The following FAT2 variants were observed in gnomAD, a reference collection of about 807,000 sequenced individuals.
The protein encoded by FAT2 is FAT atypical cadherin 2.
A neutral mutation model predicts 295.3 loss-of-function variants in FAT2; 150 were observed. That is an observed-to-expected ratio of 0.51 (90% CI 0.44 to 0.58). The LOEUF is 0.58. Ranked by LOEUF, FAT2 falls within the 20% of genes least tolerant of loss-of-function variation. FAT2 has a pLI of 0.00. For missense variants in FAT2, 4,868 were observed against 5,442.7 expected, an observed-to-expected ratio of 0.89 and a Z score of 3.32; for synonymous variants, 2,026 against 2,150.3, an observed-to-expected ratio of 0.94 and a Z score of 1.60.
At position 151,545,198 on chromosome 5, in the gene FAT2, C is replaced by T. The variant is rs1554129752; in HGVS notation, c.5929G>A (p.Val1977Met). Residue 1977 changes from valine to methionine, a missense_variant, in exon 10 of 24, where the codon GTG (valine) becomes ATG (methionine). This residue lies in a region of FAT2 where 3,297 missense variants were observed against 3,669.4 expected (regional missense o/e 0.90). Coordinates refer to ENST00000261800, the MANE Select transcript of FAT2 (RefSeq NM_001447.3). ...TTTCTGTCCTGCAAGTTCTCCTTCACAGCTGCCCAGTAGACATCCTGATCA... is the reference window on the plus strand; with the variant it reads ...TTTCTGTCCTGCAAGTTCTCCTTCATAGCTGCCCAGTAGACATCCTGATCA... Reference protein sequence around the residue: ...QFDQDVYWAAVKENLQDRKAL... With the variant: ...QFDQDVYWAAMKENLQDRKAL... 6.2e-7 allele frequency: 1 copy of T among 1,614,210 alleles called. No homozygotes were observed. The highest frequency in any genetic ancestry group is 1.1e-5 in the South Asian group (1 of 91,084).
intron 1 of FAT2, among the ~76,000 whole-genome samples, chr5:151,576,375 A>G (rs1161312099): frequency 2.6e-5 from 4 of 152,216 alleles, no homozygotes; most frequent in African/African-American, 9.7e-5. Flanking sequence ...TATTAGAATT[A>G]CCAGGAGAAC....
intron 11 of FAT2, 38 bp downstream of exon 11, chr5:151,540,529 G>A (rs758285683): frequency 1.1e-5 from 17 of 1,539,872 alleles, no homozygotes; most frequent in Admixed American, 6.9e-5. Context: ...TATCTTCCTT[G>A]CCTTCACTAC....
At position 151,554,566 on chromosome 5, in the gene FAT2, G is replaced by C. The variant is rs2127631216; in HGVS notation, c.3741C>G (p.Phe1247Leu). Reference protein sequence around the residue: ...DNPPIFSHKLFNVRLPERLSP... With the variant: ...DNPPIFSHKLLNVRLPERLSP... ...TCAGCCTCTCTGGAAGGCGGACATT[G>C]AAGAGCTTGTGGGAGAATATAGGTG... Residue 1247 changes from phenylalanine to leucine, a missense_variant, in exon 5 of 24, where the codon TTC becomes TTG. By Grantham distance (22) the Phe-to-Leu change is conservative (BLOSUM62 0). Coordinates refer to ENST00000261800, the MANE Select transcript of FAT2 (RefSeq NM_001447.3). The C allele has an allele frequency of 6.2e-7, 1 of 1,614,224 alleles. No individual in the cohort carries two copies. The highest frequency in any genetic ancestry group is 1.1e-5 in the South Asian group (1 of 91,086).
At chr5:151,524,271 T>A (rs1028746015) in intron 18 of FAT2, among the ~76,000 whole-genome samples, 6 of 152,246 alleles carry the variant, frequency 3.9e-5, no homozygotes, top group African/African-American at 1.4e-4. Flanking sequence ...CAGTCTTGAT[T>A]TTTACCTGTT....
At chr5:151,533,221 G>A (rs1165161031) in intron 13 of FAT2, among the ~76,000 whole-genome samples, 1 of 152,066 alleles carries the variant, frequency 6.6e-6, no homozygotes, top group Non-Finnish European at 1.5e-5. Flanking sequence ...CCTGTCCCTG[G>A]AGGTGTGTAA....
At chr5:151,550,502 A>G in intron 8 of FAT2, 88 bp downstream of exon 8, 1 of 1,429,226 alleles carries the variant, frequency 7.0e-7, no homozygotes, top group South Asian at 1.3e-5. Flanking sequence ...TATGAGGGGA[A>G]GGGGGACCTT....
rs1194249931 is a variant in FAT2, at chr5:151,544,730, A to AATC, written c.6394_6396dup (p.Asp2132dup). 3.1e-6 allele frequency: 5 copies of AATC among 1,614,072 alleles called. No homozygotes were observed. In the African/African-American group the frequency reaches 6.7e-5, roughly 22 times the overall value. On this transcript the variant is annotated inframe_insertion, in exon 10 of 24. Coordinates refer to ENST00000261800, the MANE Select transcript of FAT2 (RefSeq NM_001447.3). ...AGGTGATATTTATTTAAAGCTTGATAATCAAAGGGTTTCTTGAGTGATATG... is the reference window on the plus strand; with the variant it reads ...AGGTGATATTTATTTAAAGCTTGATAATCATCAAAGGGTTTCTTGAGTGATATG...
intron 3 of FAT2, among the ~76,000 whole-genome samples, chr5:151,559,506 C>T (rs909443575): frequency 6.6e-6 from 1 of 151,958 alleles, no homozygotes; most frequent in Non-Finnish European, 1.5e-5. Flanking sequence ...CTATCTGGCT[C>T]CATCCCTTCC....
chr5:151,518,413 T>G (rs572086005), intron 19 of FAT2, among the ~76,000 whole-genome samples: 1 of 150,252 alleles, frequency 6.7e-6, no homozygotes, highest in Admixed American at 6.6e-5. Flanking sequence ...AGAAATGTAA[T>G]GAATCAAGTG....
rs1383573091 is a variant in FAT2, at chr5:151,510,021, C to T, written c.12059G>A (p.Arg4020Lys). Residue 4020 changes from arginine (R) to lysine (K), a missense_variant and splice_region_variant, in exon 22 of 24, where the codon AGG becomes AAG. Arg to Lys is a conservative substitution (Grantham distance 26, BLOSUM62 2). Coordinates refer to ENST00000261800, the MANE Select transcript of FAT2 (RefSeq NM_001447.3). ...GGCAGGTGGCCTCTCCTGGGATTAC[C>T]TGTCTCCTGTGTAAGGATGAGGGCA... ...CNCPHPYTGD[R>K]CEMEARGCSE... 1.2e-6 allele frequency: 2 copies of T among 1,613,898 alleles called. No homozygotes were observed. The highest frequency in any genetic ancestry group is 1.7e-6 in the Non-Finnish European group (2 of 1,179,938).
At position 151,565,765 on chromosome 5, in the gene FAT2, G is replaced by A. The variant is rs755995107; in HGVS notation, c.3167C>T (p.Ala1056Val). The A allele has an allele frequency of 6.2e-7, 1 of 1,613,568 alleles. No homozygotes were observed. ...PSGTQVIVVA[A>V]QDDDSGLDGE... ...ATCCAAGCCACTGTCATCGTCCTGG[G>A]CAGCCACTACAATCACCTGAGTTCC... The change falls in exon 2 of 24, where the codon GCC becomes GTC. Residue 1056 changes from alanine to valine, a missense_variant. Around this residue, in one of 5 missense-constraint regions of FAT2, gnomAD observed 3,297 missense variants for 3,669.4 expected, o/e 0.90. Transcript: ENST00000261800.
chr5:151,544,569 G>A lies in FAT2; in HGVS notation c.6558C>T (p.Leu2186=). The A allele has an allele frequency of 6.2e-7, 1 of 1,614,134 alleles. No homozygotes were observed. The change falls in exon 10 of 24, where the codon CTC becomes CTT. Residue 2186 remains leucine (L), a synonymous_variant. Coordinates refer to ENST00000261800, the MANE Select transcript of FAT2 (RefSeq NM_001447.3). ...YKVRVPENIT[L]YTPILHTQAR... is the part of the protein sequence containing the mutation. ...CCTGGGTGTGGAGAATTGGGGTATA[G>A]AGGGTGATATTTTCAGGTACTCTGA... is the stretch of plus-strand genomic sequence containing the variant.
chr5:151,512,013 T>C lies in FAT2; in HGVS notation c.11905+152A>G. On this transcript the variant is annotated intron_variant, in intron 21 of 23. Coordinates refer to ENST00000261800, the MANE Select transcript of FAT2 (RefSeq NM_001447.3). The surrounding 1 kb of genome is among the most constrained non-coding windows in gnomAD (Gnocchi z 4.1). ...GACTCCTGGCTTCCCCTAGTCTAGA[T>C]ATTGCAGATTCCAACCTGTTACTCA... 2 of 655,946 alleles carry C rather than the reference T, an allele frequency of 3.0e-6. No homozygotes were observed. Among genetic ancestry groups the C allele is most frequent in the East Asian group, 5.5e-5 (2 of 36,432 alleles). 40.6% of individuals were successfully genotyped at this position (655,946 alleles called of 1,614,324 possible).
At chr5:151,586,257 C>T (rs1294266366) in intron 1 of FAT2, among the ~76,000 whole-genome samples, 1 of 152,214 alleles carries the variant, frequency 6.6e-6, no homozygotes, top group Non-Finnish European at 1.5e-5. Flanking sequence ...TGGCTTGTGC[C>T]CAGGCCAACT....
chr5:151,566,270 G>C lies in FAT2; in HGVS notation c.2662C>G (p.Arg888Gly), dbSNP rs776181007. 1 of 1,614,114 alleles carries C rather than the reference G, an allele frequency of 6.2e-7. No individual in the cohort carries two copies. Among genetic ancestry groups the C allele is most frequent in the East Asian group, 2.2e-5 (1 of 44,880 alleles). Residue 888 changes from arginine to glycine, a missense_variant, in exon 2 of 24, where the codon CGG becomes GGG. This residue lies in a region of FAT2 where 3,297 missense variants were observed against 3,669.4 expected (regional missense o/e 0.90). Coordinates refer to ENST00000261800, the MANE Select transcript of FAT2 (RefSeq NM_001447.3). ...CTGGCCTCCACCTTGAGTATGTACCGAGGCTCTGATTCGCGGTCCAGGTGT... is the reference window on the plus strand; with the variant it reads ...CTGGCCTCCACCTTGAGTATGTACCCAGGCTCTGATTCGCGGTCCAGGTGT... ...TGHLDRESEP[R>G]YILKVEARDQ...
intron 3 of FAT2, among the ~76,000 whole-genome samples, chr5:151,562,576 C>T (rs1270832372): frequency 5.9e-5 from 9 of 152,250 alleles, no homozygotes; most frequent in East Asian, 1.9e-4. Context: ...CTGTTGGCTC[C>T]GGGCCACTGT....
chr5:151,531,502 G>C lies in FAT2; in HGVS notation c.9811+85C>G, dbSNP rs1057300565. ...GTCTGCTCTGGGAGGCGCTGCACAG[G>C]GTAGATACCCACACAGGGGAGGAAC... On this transcript the variant is annotated intron_variant, in intron 14 of 23. Coordinates refer to ENST00000261800, the MANE Select transcript of FAT2 (RefSeq NM_001447.3). This position sits in a 1 kb window ranked among gnomAD's most constrained non-coding sequence, Gnocchi z 5.7. 5.0e-5 allele frequency: 78 copies of C among 1,558,620 alleles called. No individual in the cohort carries two copies. The highest frequency in any genetic ancestry group is 6.5e-5 in the Non-Finnish European group (74 of 1,145,102).
intron 18 of FAT2, 23 bp downstream of exon 18, chr5:151,525,745 C>A (rs1457526302): frequency 6.2e-7 from 1 of 1,613,892 alleles, no homozygotes; most frequent in Non-Finnish European, 8.5e-7. Flanking sequence ...TGGTCACCAC[C>A]AGAAGCCTAG....
chr5:151,549,240 C>T (rs2127618569), intron 9 of FAT2, 55 bp downstream of exon 9: 1 of 1,547,634 alleles, frequency 6.5e-7, no homozygotes, highest in Non-Finnish European at 8.8e-7. Context: ...TAGTGCTTTC[C>T]TTTATTTCTA....
Sources: allele counts gnomAD v4.1 joint callset (sites outside exome capture counted in the v4.1 genomes callset), GRCh38; gene constraint gnomAD v4.1.1; regional missense constraint gnomAD v4.1.1; non-coding constraint Gnocchi (gnomAD v3.1); transcripts MANE v1.5; gene names NCBI Gene and HGNC (gene_info 2026-07-23, HGNC 2026-07-21).